The following UBE4A variants were observed in gnomAD, a reference collection of about 807,000 sequenced individuals.
UBE4A encodes the protein ubiquitination factor E4A.
UBE4A carries 48 observed loss-of-function variants against 117.9 expected under a neutral mutation model. The ratio of observed to expected loss-of-function variants is 0.41; its 90% CI spans 0.32 to 0.52. UBE4A has a LOEUF of 0.52. Among genes scored for constraint, UBE4A ranks in the 20% least tolerant of loss-of-function variants. UBE4A has a pLI of 0.33. For synonymous variants in UBE4A, 407 were observed against 450.0 expected (o/e 0.90, Z 1.21); for missense variants, 1,067 against 1,296.3 (o/e 0.82, Z 2.72).
Position 118,379,435 on chromosome 11 carries a change from C to G in UBE4A, c.1572-11C>G, listed in dbSNP as rs1288184490. The G allele has an allele frequency of 1.2e-6, 2 of 1,609,140 alleles. No individual in the cohort carries two copies. The highest frequency in any genetic ancestry group is 1.7e-6 in the Non-Finnish European group (2 of 1,176,674). ...TCCCTGACCCAGTCTCTTCTGCTTT[C>G]TTGGGGGCAGGTTGCATGATCAGAT... On this transcript the variant is annotated splice_polypyrimidine_tract_variant and intron_variant, in intron 10 of 19. Coordinates refer to ENST00000252108, the MANE Select transcript of UBE4A (RefSeq NM_001204077.2).
chr11:118,384,097 C>T (rs1481563730), intron 13 of UBE4A, among the ~76,000 whole-genome samples: 3 of 152,208 alleles, frequency 2.0e-5, no homozygotes, highest in Non-Finnish European at 4.4e-5. Context: ...CCAAATCCTA[C>T]ACTCTTCCTT....
intron 13 of UBE4A, among the ~76,000 whole-genome samples, chr11:118,383,877 G>T (rs561314501): frequency 6.6e-6 from 1 of 152,232 alleles, no homozygotes; most frequent in African/African-American, 2.4e-5. Flanking sequence ...ATGGGTCAAA[G>T]TGATGATTAA....
At position 118,373,659 on chromosome 11, in the gene UBE4A, A is replaced by C. The variant is rs773081224; in HGVS notation, c.1090A>C (p.Lys364Gln). ...ATCTCGTTCCAGCCCCCAGGAGATC[A>C]AAGTACAGGAGGCCAACATCCATCA... Reference protein sequence around the residue: ...NPSRSSPQEIKVQEANIHQFM... With the variant: ...NPSRSSPQEIQVQEANIHQFM... The change falls in exon 8 of 20, where the codon AAA becomes CAA. Residue 364 changes from lysine (K) to glutamine (Q), a missense_variant. Physicochemically the swap from Lys to Gln is moderately conservative, Grantham distance 53. Around this residue, in one of 3 missense-constraint regions of UBE4A, gnomAD observed 1,001 missense variants for 1,184.0 expected, o/e 0.85. Transcript: ENST00000252108. 4 of 1,614,102 alleles carry C rather than the reference A, an allele frequency of 2.5e-6. No homozygotes were observed. In the South Asian group the frequency reaches 4.4e-5, roughly 18 times the overall value.
chr11:118,381,518 A>G lies in UBE4A; in HGVS notation c.2004A>G (p.Ile668Met). ...LHFITIFTGS[I>M]ERMKNPHLRA... ...TTATCACCATTTTCACTGGAAGCAT[A>G]GAAAGGTGAAGTGCTGAAAGCTTGG... The change falls in exon 12 of 20, where the codon ATA (isoleucine) becomes ATG (methionine). Residue 668 changes from isoleucine to methionine, a missense_variant. This residue lies in a region of UBE4A where 1,001 missense variants were observed against 1,184.0 expected (regional missense o/e 0.85). Transcript: ENST00000252108. The G allele has an allele frequency of 2.5e-6, 4 of 1,613,950 alleles. No homozygotes were observed. Among genetic ancestry groups the G allele is most frequent in the Non-Finnish European group, 3.4e-6 (4 of 1,179,892 alleles).
At position 118,396,536 on chromosome 11, in the gene UBE4A, CTT is replaced by C; in HGVS notation, c.*99_*100del. The C allele has an allele frequency of 9.5e-7, 1 of 1,055,124 alleles. No individual in the cohort carries two copies. Among genetic ancestry groups the C allele is most frequent in the Non-Finnish European group, 1.3e-6 (1 of 776,442 alleles). 65.4% of individuals were successfully genotyped at this position (1,055,124 alleles called of 1,614,324 possible). ...TCTGGTTCTGTTCCTTTTCTTTCTT[CTT>C]TTCTTTTTCTTTTTTTTTTTTTTTT... On this transcript the variant is annotated 3_prime_UTR_variant, in exon 20 of 20. Coordinates refer to ENST00000252108, the MANE Select transcript of UBE4A (RefSeq NM_001204077.2).
Position 118,386,481 on chromosome 11 carries a change from G to A in UBE4A, c.2456G>A (p.Gly819Asp). ...IKIQQIEKDR[G>D]EWDSLTPEAR... Reference sequence around the variant, plus strand: ...ATTCAGCAAATTGAGAAGGATCGAGGTGAATGGGATAGTCTGACTCCAGAA... The same window carrying A: ...ATTCAGCAAATTGAGAAGGATCGAGATGAATGGGATAGTCTGACTCCAGAA... The change falls in exon 16 of 20, where the codon GGT (glycine) becomes GAT (aspartate). Residue 819 changes from glycine (G) to aspartate (D), a missense_variant. Around this residue, in one of 3 missense-constraint regions of UBE4A, gnomAD observed 1,001 missense variants for 1,184.0 expected, o/e 0.85. Transcript: ENST00000252108. 1 of 1,608,994 alleles carries A rather than the reference G, an allele frequency of 6.2e-7. No individual in the cohort carries two copies.
chr11:118,369,647 T>TC (rs1164098765), intron 4 of UBE4A, 112 bp downstream of exon 4: 3 of 128,844 alleles, frequency 2.3e-5, no homozygotes, highest in African/African-American at 3.4e-5. Context: ...TCCCTCTCTC[T>TC]TTTTTTTTTT....
chr11:118,372,555 A>T lies in UBE4A; in HGVS notation c.610A>T (p.Asn204Tyr). 1.2e-6 allele frequency: 2 copies of T among 1,614,018 alleles called. No individual in the cohort carries two copies. The highest frequency in any genetic ancestry group is 1.3e-5 in the African/African-American group (1 of 75,028). Residue 204 changes from asparagine to tyrosine, a missense_variant, in exon 6 of 20, where the codon AAC (asparagine) becomes TAC (tyrosine). Transcript: ENST00000252108. The stretch of plus-strand genomic sequence containing the variant: ...GCTACCCTTTGCAGTGCAGTGCAGA[A>T]ACCTCACTGTGTCCAATACCCGAAC... ...NLLPFAVQCR[N>Y]LTVSNTRTVL...
chr11:118,391,828 A>G (rs988920251), intron 18 of UBE4A, among the ~76,000 whole-genome samples: 2 of 152,050 alleles, frequency 1.3e-5, no homozygotes. Context: ...AGAAACCTCA[A>G]CTAGAAGAGA....
intron 10 of UBE4A, 147 bp downstream of exon 10, chr11:118,376,841 G>A: frequency 1.1e-6 from 1 of 944,124 alleles, no homozygotes; most frequent in East Asian, 2.8e-5. Flanking sequence ...CTTGAGGCCA[G>A]AAGTTTAAGA....
At chr11:118,379,018 C>T (rs1948676991) in intron 10 of UBE4A, 1 of 164,250 alleles carries the variant, frequency 6.1e-6, no homozygotes, top group Non-Finnish European at 1.3e-5. Context: ...TAGTTTTCTA[C>T]TAACCAAAGA....
intron 2 of UBE4A, among the ~76,000 whole-genome samples, chr11:118,367,472 G>A (rs1948573733): frequency 6.7e-6 from 1 of 150,304 alleles, no homozygotes; most frequent in Non-Finnish European, 1.5e-5. Flanking sequence ...GGGTTTGCAT[G>A]TAAATCAGAC....
Position 118,373,476 on chromosome 11 carries a change from A to C in UBE4A, c.925-18A>C. 6.2e-7 allele frequency: 1 copy of C among 1,603,844 alleles called. No homozygotes were observed. Among genetic ancestry groups the C allele is most frequent in the Non-Finnish European group, 8.5e-7 (1 of 1,174,702 alleles). On this transcript the variant is annotated intron_variant, in intron 7 of 19. Transcript: ENST00000252108. ...CTCACCATGAAGATGAATAAGCAGA[A>C]CTTGTCTTCTCTTACAGGTTTTTGT...
Position 118,384,671 on chromosome 11 carries a change from G to A in UBE4A, c.2234G>A (p.Arg745His), listed in dbSNP as rs149399236. ...PHQFEQKFNY[R>H]RPMYPILRYM... ...CAATTTGAACAGAAGTTTAATTACC[G>A]CCGTCCCATGTATCCTATCCTAAGA... is the stretch of plus-strand genomic sequence containing the variant. The change falls in exon 14 of 20, where the codon CGC (arginine) becomes CAC (histidine). Residue 745 changes from arginine to histidine, a missense_variant. Arg to His is a conservative substitution (Grantham distance 29, BLOSUM62 0). Around this residue, in one of 3 missense-constraint regions of UBE4A, gnomAD observed 1,001 missense variants for 1,184.0 expected, o/e 0.85. Coordinates refer to ENST00000252108, the MANE Select transcript of UBE4A (RefSeq NM_001204077.2). 3 of 1,613,996 alleles carry A rather than the reference G, an allele frequency of 1.9e-6. No homozygotes were observed. The highest frequency in any genetic ancestry group is 2.5e-6 in the Non-Finnish European group (3 of 1,179,986).
intron 4 of UBE4A, 59 bp from the exon 5 acceptor site, chr11:118,371,455 T>C: frequency 6.5e-7 from 1 of 1,541,764 alleles, no homozygotes; most frequent in Non-Finnish European, 8.8e-7. Context: ...CTTTTACATC[T>C]TAATGTTCTC....
At chr11:118,370,961 A>G (rs1417132335) in intron 4 of UBE4A, among the ~76,000 whole-genome samples, 2 of 152,214 alleles carry the variant, frequency 1.3e-5, no homozygotes, top group African/African-American at 4.8e-5. Flanking sequence ...CTCCATACCC[A>G]GACACCTCCC....
intron 2 of UBE4A, 96 bp from the exon 3 acceptor site, chr11:118,368,535 A>C: frequency 7.4e-7 from 1 of 1,358,962 alleles, no homozygotes; most frequent in South Asian, 1.3e-5. Flanking sequence ...TTACATCTGA[A>C]ATTATCATCT....
At chr11:118,394,843 T>C (rs1217707455) in intron 19 of UBE4A, among the ~76,000 whole-genome samples, 1 of 146,656 alleles carries the variant, frequency 6.8e-6, no homozygotes, top group African/African-American at 2.5e-5. Context: ...TAATGGCACA[T>C]GCCTGTAGTC....
At position 118,379,577 on chromosome 11, in the gene UBE4A, A is replaced by G. The variant is rs181660772; in HGVS notation, c.1703A>G (p.Tyr568Cys). 25 of 1,614,232 alleles carry G rather than the reference A, an allele frequency of 1.5e-5. No individual in the cohort carries two copies. The highest frequency in any genetic ancestry group is 1.6e-4 in the Middle Eastern group (1 of 6,062). ...REQFERLMTI[Y>C]LSTKTAMTEP... ...CAGTTTGAACGACTGATGACCATCT[A>G]TCTTTCTACCAAGACTGCCATGACA... Residue 568 changes from tyrosine to cysteine, a missense_variant, in exon 11 of 20, where the codon TAT becomes TGT. Tyr to Cys is a radical substitution (Grantham distance 194). Coordinates refer to ENST00000252108, the MANE Select transcript of UBE4A (RefSeq NM_001204077.2).
Sources: gnomAD v4.1 joint callset for allele counts (sites outside exome capture counted in the v4.1 genomes callset) on GRCh38, gnomAD v4.1.1 for gene constraint, gnomAD v4.1.1 regional missense constraint, MANE v1.5 for transcripts, NCBI Gene and HGNC (gene_info 2026-07-23, HGNC 2026-07-21) for gene names.